Variants in PRKG2 observed in about 807,000 individuals in gnomAD.
PRKG2 encodes the protein protein kinase cGMP-dependent 2.
Under a neutral mutation model 97.2 loss-of-function variants are expected in PRKG2, and 33 were observed. That is an observed-to-expected ratio of 0.34 (90% CI 0.26 to 0.45). The LOEUF (loss-of-function observed/expected upper bound fraction) is 0.45. Among genes scored for constraint, PRKG2 ranks in the 20% least tolerant of loss-of-function variants. The pLI, the probability that PRKG2 is intolerant of heterozygous loss-of-function variation, is 1.00. For missense variants in PRKG2, 638 were observed against 900.0 expected, an observed-to-expected ratio of 0.71 and a Z score of 3.73; for synonymous variants, 330 against 321.8, an observed-to-expected ratio of 1.03 and a Z score of -0.27.
intron 17 of PRKG2, among the ~76,000 whole-genome samples, chr4:81,095,727 T>C (rs1742045878): frequency 6.6e-6 from 1 of 152,182 alleles, no homozygotes; most frequent in Admixed American, 6.6e-5. Context: ...GCACATAAAC[T>C]GCTTCTTCAT....
chr4:81,194,065 A>G lies in PRKG2; in HGVS notation c.461+10522T>C, dbSNP rs186698620. 1.8e-4 allele frequency among the ~76,000 whole-genome samples: 28 copies of G among 152,252 alleles called. No individual in the cohort carries two copies. In the East Asian group the frequency reaches 5.0e-3, roughly 27 times the overall value. On this transcript the variant is annotated intron_variant, in intron 2 of 18. Transcript: ENST00000264399. ...GATTTTCTCTTCTACCCTACCAAGT[A>G]AAGAATGTGCCCGCTTTCCTTTGCA...
At chr4:81,148,729 C>T (rs542940331) in intron 9 of PRKG2, among the ~76,000 whole-genome samples, 155 bp downstream of exon 9, 1 of 152,260 alleles carries the variant, frequency 6.6e-6, no homozygotes, top group Admixed American at 6.5e-5. Context: ...AGGCCCTGTT[C>T]CTTCCCATGA....
chr4:81,178,191 C>T (rs1751103394), intron 2 of PRKG2, among the ~76,000 whole-genome samples: 1 of 151,470 alleles, frequency 6.6e-6, no homozygotes, highest in African/African-American at 2.4e-5. Flanking sequence ...AAACCAGCTA[C>T]CAAACCAACA....
chr4:81,165,870 TC>T, intron 6 of PRKG2, among the ~76,000 whole-genome samples: 2 of 152,024 alleles, frequency 1.3e-5, no homozygotes, highest in Middle Eastern at 6.8e-3. Context: ...AACATAGAAA[TC>T]CCCTCTGGTG....
intron 2 of PRKG2, among the ~76,000 whole-genome samples, chr4:81,202,337 T>C (rs1753366982): frequency 6.6e-6 from 1 of 152,218 alleles, no homozygotes; most frequent in Admixed American, 6.5e-5. Flanking sequence ...TAAAGTTAAC[T>C]ATTTGTGTTT....
intron 6 of PRKG2, among the ~76,000 whole-genome samples, chr4:81,159,162 G>A (rs1054178757): frequency 5.3e-5 from 8 of 151,940 alleles, no homozygotes; most frequent in Non-Finnish European, 1.2e-4. Flanking sequence ...CTACCATCAG[G>A]GTGAACAGGC....
intron 14 of PRKG2, among the ~76,000 whole-genome samples, chr4:81,124,413 G>A (rs985483965): frequency 7.2e-5 from 11 of 152,178 alleles, no homozygotes; most frequent in Middle Eastern, 3.4e-3. Context: ...ATTCTGAAGC[G>A]TCTCATCCCA....
At chr4:81,171,456 T>C (rs912664709) in intron 4 of PRKG2, among the ~76,000 whole-genome samples, 6 of 152,138 alleles carry the variant, frequency 3.9e-5, no homozygotes, top group African/African-American at 1.2e-4. Flanking sequence ...CCGTTGTGAA[T>C]AGTTAAAAGC....
At chr4:81,092,283 A>C in intron 18 of PRKG2, 103 bp downstream of exon 18, 1 of 636,656 alleles carries the variant, frequency 1.6e-6, no homozygotes, top group South Asian at 3.4e-5. Context: ...AAAAAAAAAC[A>C]CCCAAAATCT....
intron 6 of PRKG2, among the ~76,000 whole-genome samples, chr4:81,162,569 T>C (rs564391171): frequency 1.3e-5 from 2 of 152,324 alleles, no homozygotes; most frequent in East Asian, 3.9e-4. Context: ...TGGACAGTTA[T>C]GTTAACGAGT....
intron 2 of PRKG2, among the ~76,000 whole-genome samples, chr4:81,195,508 C>A (rs1752905983): frequency 6.6e-6 from 1 of 152,102 alleles, no homozygotes. Flanking sequence ...CAGAATCTTC[C>A]CAAACTGGAA....
At chr4:81,210,146 A>G (rs147463571) in intron 1 of PRKG2, among the ~76,000 whole-genome samples, 2,447 of 152,232 alleles carry the variant, frequency 0.016, 39 homozygotes, top group Non-Finnish European at 0.026. Context: ...ACAACATAGG[A>G]GAAATTCTAG....
At chr4:81,158,456 C>A (rs1001975537) in intron 6 of PRKG2, among the ~76,000 whole-genome samples, 4 of 139,784 alleles carry the variant, frequency 2.9e-5, no homozygotes, top group Non-Finnish European at 5.9e-5. Flanking sequence ...AAAGAGGATA[C>A]AAACAAATGG....
chr4:81,123,033 T>C (rs1369603092), intron 14 of PRKG2, among the ~76,000 whole-genome samples: 1 of 152,228 alleles, frequency 6.6e-6, no homozygotes, highest in Non-Finnish European at 1.5e-5. Flanking sequence ...TGTTAATGTG[T>C]ATTCTCCACC....
chr4:81,158,346 T>A (rs1749294485), intron 6 of PRKG2, among the ~76,000 whole-genome samples: 1 of 136,794 alleles, frequency 7.3e-6, no homozygotes, highest in Non-Finnish European at 1.5e-5. Flanking sequence ...TCAAAGAGAA[T>A]AAAATACCTA....
chr4:81,183,986 A>T (rs754274516), intron 2 of PRKG2, among the ~76,000 whole-genome samples: 3 of 152,210 alleles, frequency 2.0e-5, no homozygotes, highest in Non-Finnish European at 4.4e-5. Context: ...GAAAGGCAGC[A>T]GCCCCAGGAA....
intron 2 of PRKG2, among the ~76,000 whole-genome samples, chr4:81,196,675 G>T (rs1752976818): frequency 6.6e-6 from 1 of 151,914 alleles, no homozygotes; most frequent in Admixed American, 6.6e-5. Flanking sequence ...TTAAACAGAT[G>T]TTGGGGGACC....
chr4:81,216,303 G>A (rs113541544), upstream of PRKG2, among the ~76,000 whole-genome samples: 69 of 151,798 alleles, frequency 4.5e-4, no homozygotes, highest in Non-Finnish European at 9.4e-4. Context: ...GAGGAAAATC[G>A]CGAAAGTACA....
chr4:81,162,190 T>C (rs570226365), intron 6 of PRKG2, among the ~76,000 whole-genome samples: 1 of 152,276 alleles, frequency 6.6e-6, no homozygotes, highest in South Asian at 2.1e-4. Flanking sequence ...GTATCTAAAG[T>C]ACCTGATGGA....
Sources: gnomAD v4.1 joint callset for allele counts (sites outside exome capture counted in the v4.1 genomes callset) on GRCh38, gnomAD v4.1.1 for gene constraint, MANE v1.5 for transcripts, NCBI Gene and HGNC (gene_info 2026-07-23, HGNC 2026-07-21) for gene names.